Variants in PAGE2B observed in about 807,000 individuals in gnomAD.
PAGE2B encodes putative G antigen family E member 3.
Under a neutral mutation model 7.6 loss-of-function variants are expected in PAGE2B, and 5 were observed. The ratio of observed to expected loss-of-function variants is 0.66; its 90% confidence interval spans 0.34 to 1.38. The LOEUF (loss-of-function observed/expected upper bound fraction) is 1.38, where lower values mean the gene tolerates loss of function less well. PAGE2B is among the 40% of genes most tolerant of loss of function. The pLI, the probability that PAGE2B is intolerant of heterozygous loss-of-function variation, is 0.04. For missense variants in PAGE2B, 70 were observed against 78.4 expected (o/e 0.89, Z 0.41); for synonymous variants, 29 against 26.7 (o/e 1.09, Z -0.27).
At chrX:55,077,327 A>G in intron 3 of PAGE2B, 72 bp from the exon 4 acceptor site, 2 of 1,187,260 alleles carry the variant, frequency 1.7e-6, no homozygotes, top group Non-Finnish European at 2.3e-6. Context: ...TGATGAGGGA[A>G]TAAATATTAT....
the PAGE2B span, among the ~76,000 whole-genome samples, chrX:55,047,664 G>A: frequency 8.9e-6 from 1 of 111,835 alleles, no homozygotes; most frequent in Non-Finnish European, 1.9e-5. Context: ...TTCTCTGATG[G>A]CCAGTGATGA....
chrX:55,039,846 T>C, the PAGE2B span, among the ~76,000 whole-genome samples: 1 of 112,242 alleles, frequency 8.9e-6, no homozygotes, highest in African/African-American at 3.2e-5. Context: ...CATGTCCTTG[T>C]TCTTTTCAAT....
chrX:55,035,070 G>C, the PAGE2B span, among the ~76,000 whole-genome samples: 1 of 110,143 alleles, frequency 9.1e-6, no homozygotes, highest in Non-Finnish European at 1.9e-5. Flanking sequence ...ACCCACCCAG[G>C]TTAAGGGTGG....
At chrX:55,039,562 A>T in the PAGE2B span, among the ~76,000 whole-genome samples, 2 of 110,214 alleles carry the variant, frequency 1.8e-5, no homozygotes, top group African/African-American at 6.6e-5. Flanking sequence ...AGAAACCCTA[A>T]TGGTATTTTT....
At chrX:55,041,711 G>A in the PAGE2B span, among the ~76,000 whole-genome samples, 1 of 111,567 alleles carries the variant, frequency 9.0e-6, no homozygotes, top group Non-Finnish European at 1.9e-5. Flanking sequence ...TCCCCCACAG[G>A]CTCTGGGGCA....
At chrX:55,051,425 C>G in the PAGE2B span, among the ~76,000 whole-genome samples, 1 of 112,225 alleles carries the variant, frequency 8.9e-6, no homozygotes, top group Non-Finnish European at 1.9e-5. Context: ...GTTCCACTCT[C>G]CCTGTCACTT....
At chrX:55,050,293 G>A in the PAGE2B span, among the ~76,000 whole-genome samples, 1 of 111,644 alleles carries the variant, frequency 9.0e-6, no homozygotes, top group Non-Finnish European at 1.9e-5. Flanking sequence ...TGTTGATTTG[G>A]GGTGGAGAGT....
At chrX:55,057,834 G>A in the PAGE2B span, among the ~76,000 whole-genome samples, 2 of 111,556 alleles carry the variant, frequency 1.8e-5, no homozygotes, top group Non-Finnish European at 1.9e-5. Flanking sequence ...TTCCTTATAC[G>A]CTGCTGCCCC....
chrX:55,041,561 A>G, the PAGE2B span, among the ~76,000 whole-genome samples: 1 of 111,779 alleles, frequency 8.9e-6, no homozygotes, highest in African/African-American at 3.3e-5. Context: ...TTTGGAAAAA[A>G]CCCAACTGAA....
chrX:55,074,238 A>G (rs998416420), upstream of PAGE2B, among the ~76,000 whole-genome samples: 6 of 111,860 alleles, frequency 5.4e-5, no homozygotes, highest in Admixed American at 9.5e-5. Context: ...AATAACTAGT[A>G]TCTCAACAGG....
chrX:55,058,969 T>C, the PAGE2B span, among the ~76,000 whole-genome samples: 1 of 110,779 alleles, frequency 9.0e-6, no homozygotes, highest in African/African-American at 3.3e-5. Context: ...CACCCACTAA[T>C]TGAGCACTCA....
At chrX:55,069,049 G>T in the PAGE2B span, among the ~76,000 whole-genome samples, 1 of 111,381 alleles carries the variant, frequency 9.0e-6, no homozygotes, top group African/African-American at 3.3e-5. Context: ...TTACCTGATT[G>T]CCCTGGCCAG....
At chrX:55,075,825 A>C (rs1369033152) in intron 1 of PAGE2B, among the ~76,000 whole-genome samples, 1 of 111,631 alleles carries the variant, frequency 9.0e-6, no homozygotes, top group Non-Finnish European at 1.9e-5. Flanking sequence ...CTATGGCGTT[A>C]AGGGGATTTC....
chrX:55,069,281 C>T, the PAGE2B span, among the ~76,000 whole-genome samples: 1 of 111,869 alleles, frequency 8.9e-6, no homozygotes, highest in African/African-American at 3.3e-5. Context: ...ACCTTTTCTG[C>T]ATCTACTGAG....
the PAGE2B span, among the ~76,000 whole-genome samples, chrX:55,059,206 G>A: frequency 9.0e-6 from 1 of 111,541 alleles, no homozygotes. Context: ...TATAGGCTTA[G>A]TTTCTTCTGA....
chrX:55,030,621 A>C, the PAGE2B span, among the ~76,000 whole-genome samples: 1 of 111,884 alleles, frequency 8.9e-6, no homozygotes. Context: ...GGGGGAGAGA[A>C]AGAAATTTAG....
chrX:55,050,194 C>G, the PAGE2B span, among the ~76,000 whole-genome samples: 1 of 112,107 alleles, frequency 8.9e-6, no homozygotes, highest in Non-Finnish European at 1.9e-5. Flanking sequence ...AATTTCTGTT[C>G]TTTTACATTT....
chrX:55,035,658 C>G, the PAGE2B span, among the ~76,000 whole-genome samples: 1 of 112,022 alleles, frequency 8.9e-6, no homozygotes, highest in Non-Finnish European at 1.9e-5. Flanking sequence ...GCCCTCGAGC[C>G]AGATTAACTG....
the PAGE2B span, among the ~76,000 whole-genome samples, chrX:55,038,894 C>T: frequency 8.9e-6 from 1 of 111,780 alleles, no homozygotes; most frequent in East Asian, 2.8e-4. Context: ...GAGATTAAAA[C>T]TTTTAATTTG....
Sources: gnomAD v4.1 joint callset for allele counts (sites outside exome capture counted in the v4.1 genomes callset) on GRCh38, gnomAD v4.1.1 for gene constraint, MANE v1.5 for transcripts, NCBI Gene and HGNC (gene_info 2026-07-23, HGNC 2026-07-21) for gene names.